The following KCNIP4 variants were observed in gnomAD, a reference collection of about 807,000 sequenced individuals.
KCNIP4 encodes Kv channel-interacting protein 4.
KCNIP4 carries 12 observed loss-of-function variants against 34.0 expected under a neutral mutation model. That is an observed-to-expected ratio of 0.35 (90% CI 0.23 to 0.57). The LOEUF (loss-of-function observed/expected upper bound fraction) is 0.57. Among genes scored for constraint, KCNIP4 ranks in the 20% least tolerant of loss-of-function variants. KCNIP4 has a pLI of 0.83. For synonymous variants in KCNIP4, 124 were observed against 102.2 expected, an observed-to-expected ratio of 1.21 and a Z score of -1.29; for missense variants, 238 against 311.7, an observed-to-expected ratio of 0.76 and a Z score of 1.78.
intron 1 of KCNIP4, among the ~76,000 whole-genome samples, chr4:21,751,437 T>C (rs1243443782): frequency 6.6e-6 from 1 of 152,146 alleles, no homozygotes; most frequent in Non-Finnish European, 1.5e-5. Flanking sequence ...GACATGTATA[T>C]TCAAGAATCT....
intron 1 of KCNIP4, among the ~76,000 whole-genome samples, chr4:21,559,229 T>A (rs1275038200): frequency 1.3e-5 from 2 of 152,070 alleles, no homozygotes; most frequent in East Asian, 3.9e-4. Flanking sequence ...ATTGGGGAAA[T>A]AATTATAATA....
intron 1 of KCNIP4, among the ~76,000 whole-genome samples, chr4:21,613,041 A>T (rs1255319535): frequency 6.6e-6 from 1 of 152,180 alleles, no homozygotes; most frequent in African/African-American, 2.4e-5. Flanking sequence ...TGGTTTCATC[A>T]GTCTAATCTT....
At chr4:20,862,830 G>T (rs1316765090) in intron 2 of KCNIP4, among the ~76,000 whole-genome samples, 1 of 152,130 alleles carries the variant, frequency 6.6e-6, no homozygotes, top group Admixed American at 6.6e-5. Flanking sequence ...AACATGGATG[G>T]AGCTGGAGGC....
At chr4:21,574,578 C>A in intron 1 of KCNIP4, among the ~76,000 whole-genome samples, 1 of 152,160 alleles carries the variant, frequency 6.6e-6, no homozygotes, top group East Asian at 1.9e-4. Context: ...ATTCTAAAAT[C>A]ATTGCAGAAG....
At chr4:21,074,316 C>A (rs1374894749) in intron 1 of KCNIP4, among the ~76,000 whole-genome samples, 1 of 152,084 alleles carries the variant, frequency 6.6e-6, no homozygotes, top group Non-Finnish European at 1.5e-5. Context: ...AATTTCAGAG[C>A]CTGTTATTGG....
intron 1 of KCNIP4, among the ~76,000 whole-genome samples, chr4:21,223,202 T>C (rs1758107428): frequency 6.6e-6 from 1 of 151,968 alleles, no homozygotes; most frequent in African/African-American, 2.4e-5. Context: ...GGTGATATAA[T>C]CCTGGAAGCA....
At chr4:21,827,742 T>G (rs1190607884) in intron 1 of KCNIP4, among the ~76,000 whole-genome samples, 1 of 151,992 alleles carries the variant, frequency 6.6e-6, no homozygotes, top group Non-Finnish European at 1.5e-5. Context: ...ATAAATACAC[T>G]TTCCTAAGAA....
chr4:21,443,704 A>T (rs1164462173), intron 1 of KCNIP4, among the ~76,000 whole-genome samples: 1 of 152,052 alleles, frequency 6.6e-6, no homozygotes. Context: ...AGCCTGAGGT[A>T]AGAGAATTGC....
intron 1 of KCNIP4, among the ~76,000 whole-genome samples, chr4:21,530,541 T>C (rs906565554): frequency 6.6e-6 from 1 of 152,086 alleles, no homozygotes; most frequent in Non-Finnish European, 1.5e-5. Flanking sequence ...TTGGTAAAAA[T>C]TGGGCAAATA....
chr4:21,938,869 T>A (rs1056573614), intron 1 of KCNIP4, among the ~76,000 whole-genome samples: 1 of 152,194 alleles, frequency 6.6e-6, no homozygotes, highest in Non-Finnish European at 1.5e-5. Flanking sequence ...ACAATTAACA[T>A]ATCTTTTTAT....
intron 3 of KCNIP4, among the ~76,000 whole-genome samples, chr4:20,762,812 A>G (rs182163410): frequency 6.6e-6 from 1 of 152,206 alleles, no homozygotes; most frequent in Non-Finnish European, 1.5e-5. Context: ...CCACACTGCT[A>G]TAAAGAACTG....
At chr4:21,676,576 C>T (rs1443042853) in intron 1 of KCNIP4, among the ~76,000 whole-genome samples, 1 of 152,188 alleles carries the variant, frequency 6.6e-6, no homozygotes, top group Admixed American at 6.5e-5. Context: ...GAAATATACT[C>T]ATTCAAGGAA....
intron 1 of KCNIP4, among the ~76,000 whole-genome samples, chr4:20,983,585 A>G (rs535994545): frequency 2.0e-5 from 3 of 152,276 alleles, no homozygotes; most frequent in South Asian, 4.2e-4. Flanking sequence ...AAAATACTAA[A>G]CCCAAGTAGA....
chr4:21,147,426 G>A (rs1014829943), intron 1 of KCNIP4, among the ~76,000 whole-genome samples: 2 of 152,016 alleles, frequency 1.3e-5, no homozygotes, highest in Non-Finnish European at 1.5e-5. Context: ...TGTGTGATCC[G>A]TATCTTCCTG....
At chr4:21,450,885 A>G (rs114094032) in intron 1 of KCNIP4, among the ~76,000 whole-genome samples, 2,340 of 152,282 alleles carry the variant, frequency 0.015, 76 homozygotes, top group African/African-American at 0.054. Flanking sequence ...TTGAGATTCT[A>G]TGATGTGCTG....
chr4:21,776,073 G>A (rs112685992), intron 1 of KCNIP4, among the ~76,000 whole-genome samples: 1 of 152,306 alleles, frequency 6.6e-6, no homozygotes, highest in East Asian at 1.9e-4. Flanking sequence ...GGTGGCATGA[G>A]TTTGCAAGTG....
chr4:20,867,546 A>G (rs1218259471), intron 2 of KCNIP4, among the ~76,000 whole-genome samples: 2 of 152,138 alleles, frequency 1.3e-5, no homozygotes, highest in Admixed American at 6.6e-5. Flanking sequence ...AAAGATTTCA[A>G]TGTAAATCTC....
intron 1 of KCNIP4, among the ~76,000 whole-genome samples, chr4:21,862,887 G>T (rs1203780475): frequency 6.6e-6 from 1 of 151,630 alleles, no homozygotes; most frequent in African/African-American, 2.4e-5. Context: ...CGTGAACCCG[G>T]GAGGCGGAGC....
chr4:21,081,869 AGAC>A (rs1206713201), intron 1 of KCNIP4, among the ~76,000 whole-genome samples: 1 of 151,842 alleles, frequency 6.6e-6, no homozygotes, highest in Admixed American at 6.6e-5. Context: ...ATTAAGATGT[AGAC>A]GACAATCTTT....
Sources: gnomAD v4.1 joint callset for allele counts (sites outside exome capture counted in the v4.1 genomes callset) on GRCh38, gnomAD v4.1.1 for gene constraint, MANE v1.5 for transcripts, NCBI Gene and HGNC (gene_info 2026-07-23, HGNC 2026-07-21) for gene names.